COL4A4: variants seen among roughly 807,000 people sequenced by gnomAD.
COL4A4 encodes collagen alpha-4(IV) chain.
Under a neutral mutation model 192.9 loss-of-function variants are expected in COL4A4, and 105 were observed. The observed-to-expected ratio is 0.54, with a 90% CI of 0.46 to 0.64. The LOEUF is 0.64. COL4A4 is among the 30% of genes least tolerant of loss of function. COL4A4 has a pLI of 0.00. For missense variants in COL4A4, 1,967 were observed against 2,169.3 expected (o/e 0.91, Z 1.85); for synonymous variants, 762 against 769.9 (o/e 0.99, Z 0.17).
the COL4A4 span, among the ~76,000 whole-genome samples, chr2:226,976,448 A>G: frequency 1.3e-5 from 2 of 151,840 alleles, no homozygotes; most frequent in African/African-American, 4.8e-5. Flanking sequence ...AATTATCAAA[A>G]TGTGTGAGCT....
chr2:227,121,577 G>A (rs6755398), intron 4 of COL4A4, among the ~76,000 whole-genome samples: 54,339 of 139,022 alleles, frequency 0.39, 12,385 homozygotes, highest in African/African-American at 0.61. Flanking sequence ...AAAAAAAAAA[G>A]AAAAGAAAAG....
intron 3 of COL4A4, among the ~76,000 whole-genome samples, chr2:227,143,194 C>G (rs971013588): frequency 8.5e-5 from 13 of 152,286 alleles, no homozygotes; most frequent in South Asian, 4.1e-4. Flanking sequence ...TATGCCTATC[C>G]ATCAGACCAC....
At position 227,123,347 on chromosome 2, in the gene COL4A4, G is replaced by C. The variant is rs992535691; in HGVS notation, c.193-2199C>G. Among the ~76,000 whole-genome samples the C allele has an allele frequency of 6.6e-6, 1 of 152,202 alleles. No homozygotes were observed. The highest frequency in any genetic ancestry group is 2.4e-5 in the African/African-American group (1 of 41,458). On this transcript the variant is annotated intron_variant, in intron 4 of 47. Transcript: ENST00000396625. This position sits in a 1 kb window ranked among gnomAD's most constrained non-coding sequence, Gnocchi z 4.6. Reference sequence around the variant, plus strand: ...TGAGACTCAGTGAATAAATTAGGGTGCCTTCAAACAGGAAAGCCCTCACAG... The same window carrying C: ...TGAGACTCAGTGAATAAATTAGGGTCCCTTCAAACAGGAAAGCCCTCACAG...
intron 1 of COL4A4, among the ~76,000 whole-genome samples, chr2:227,154,897 G>T (rs1032016897): frequency 6.6e-6 from 1 of 152,128 alleles, no homozygotes; most frequent in Non-Finnish European, 1.5e-5. Context: ...ACTTGGTTTT[G>T]CTCTTTCTAA....
At chr2:227,151,332 C>G (rs1297216373) in intron 1 of COL4A4, among the ~76,000 whole-genome samples, 2 of 152,034 alleles carry the variant, frequency 1.3e-5, no homozygotes. Context: ...AAATTTTAAT[C>G]TTGATAAACA....
intron 12 of COL4A4, among the ~76,000 whole-genome samples, chr2:227,106,603 T>C (rs373056932): frequency 1.3e-5 from 2 of 152,228 alleles, no homozygotes; most frequent in Admixed American, 6.5e-5. Flanking sequence ...TCTCACTCTG[T>C]CACCCAGGCT....
In COL4A4 at chr2:227,025,230, CT is replaced by C. The variant is rs200933620; in HGVS notation, c.4090+571del. Among the ~76,000 whole-genome samples, 1,298 of 152,262 alleles carry C rather than the reference CT, an allele frequency of 8.5e-3. 6 individuals are homozygous for C. The highest frequency in any genetic ancestry group is 0.041 in the Middle Eastern group (12 of 294). ...AGGCATTCACAATTTTTCTTTTTCTCTTCTGAGAAATGCTTTTGATTTTCTT... is the reference window on the plus strand; with the variant it reads ...AGGCATTCACAATTTTTCTTTTTCTCTCTGAGAAATGCTTTTGATTTTCTT... On this transcript the variant is annotated intron_variant, in intron 43 of 47. Coordinates refer to ENST00000396625, the MANE Select transcript of COL4A4 (RefSeq NM_000092.5).
intron 3 of COL4A4, among the ~76,000 whole-genome samples, chr2:227,143,625 A>G (rs2063362005): frequency 1.3e-5 from 2 of 152,236 alleles, no homozygotes; most frequent in South Asian, 2.1e-4. Context: ...TTATAACAGG[A>G]AAAAGAATAT....
intron 7 of COL4A4, 48 bp downstream of exon 7, chr2:227,118,597 G>A: frequency 7.4e-7 from 1 of 1,349,396 alleles, no homozygotes; most frequent in Non-Finnish European, 1.1e-6. Flanking sequence ...TCCACCACAG[G>A]GCCTGTTCAC....
chr2:227,106,402 A>G (rs2060845577), intron 12 of COL4A4, among the ~76,000 whole-genome samples: 1 of 152,210 alleles, frequency 6.6e-6, no homozygotes, highest in African/African-American at 2.4e-5. Context: ...CAGCATAGTC[A>G]AAAGTACAAA....
At chr2:227,085,285 G>A (rs1373824195) in intron 22 of COL4A4, among the ~76,000 whole-genome samples, 1 of 152,110 alleles carries the variant, frequency 6.6e-6, no homozygotes, top group Non-Finnish European at 1.5e-5. Context: ...GGCATGGGGG[G>A]AATCAACCCG....
rs1961358592 is a variant in COL4A4 at position 227,003,043 on chromosome 2, A to G, written c.*4282T>C. The G allele has an allele frequency of 6.6e-6, 1 of 152,570 alleles. No homozygotes were observed. The highest frequency in any genetic ancestry group is 1.5e-5 in the Non-Finnish European group (1 of 68,032). 9.5% of individuals were successfully genotyped at this position (152,570 alleles called of 1,614,324 possible). A position where few individuals can be genotyped will look rare whatever the true frequency, so the allele number is the denominator to read the frequency against. ...TGCAGAGTACTGATTTTTAATGTCA[A>G]TTGTTTGTTCCCTGCAGAACTTACT... On this transcript the variant is annotated 3_prime_UTR_variant, in exon 48 of 48. Coordinates refer to ENST00000396625, the MANE Select transcript of COL4A4 (RefSeq NM_000092.5).
At chr2:227,160,567 C>T (rs2064745082) in intron 1 of COL4A4, among the ~76,000 whole-genome samples, 1 of 152,164 alleles carries the variant, frequency 6.6e-6, no homozygotes, top group Non-Finnish European at 1.5e-5. Flanking sequence ...TCCCACCTCC[C>T]CATGTCCCGT....
At chr2:227,029,056 T>C (rs897996969) in intron 41 of COL4A4, among the ~76,000 whole-genome samples, 1 of 152,192 alleles carries the variant, frequency 6.6e-6, no homozygotes, top group South Asian at 2.1e-4. Context: ...GTGTAAGTCA[T>C]AAAAGGTAAC....
At chr2:227,023,682 G>A (rs1159422946) in intron 43 of COL4A4, among the ~76,000 whole-genome samples, 1 of 152,150 alleles carries the variant, frequency 6.6e-6, no homozygotes, top group African/African-American at 2.4e-5. Context: ...CGAGAAGACT[G>A]TGTATGTGCT....
chr2:227,154,063 C>G lies in COL4A4; in HGVS notation c.-101-6479G>C, dbSNP rs576069005. The stretch of plus-strand genomic sequence containing the variant: ...GAAATGGAACATAAGCACCCTGGGC[C>G]TTTGAAGTCCACCTTGCTCACCAAC... On this transcript the variant is annotated intron_variant, in intron 1 of 47. Transcript: ENST00000396625. Among the ~76,000 whole-genome samples the G allele has an allele frequency of 5.9e-5, 9 of 152,252 alleles. No individual in the cohort carries two copies. The South Asian group carries it at 1.5e-3, about 25-fold the overall frequency.
At position 227,062,534 on chromosome 2, in the gene COL4A4, A is replaced by G; in HGVS notation, c.2052T>C (p.Pro684=). The change falls in exon 26 of 48, where the codon CCT becomes CCC. Residue 684 remains proline (P), a synonymous_variant. Transcript: ENST00000396625. ...GRHGPPGFDG[P]PGPKGFPGPQ... ...GTAACTTCTCATTGATAATACCTGG[A>G]GGTCCATCAAAACCTGGAGGGCCAT... The G allele has an allele frequency of 6.3e-7, 1 of 1,587,156 alleles. No homozygotes were observed. Among genetic ancestry groups the G allele is most frequent in the Non-Finnish European group, 8.7e-7 (1 of 1,155,932 alleles).
chr2:227,099,668 G>A lies in COL4A4; in HGVS notation c.1051C>T (p.His351Tyr), dbSNP rs749374824. 1.9e-6 allele frequency: 3 copies of A among 1,614,022 alleles called. No homozygotes were observed. Among genetic ancestry groups the A allele is most frequent in the Non-Finnish European group, 8.5e-7 (1 of 1,179,950 alleles). ...ACCAAAACACCTGGTGGTCCTGGGTGCCCTCGATTTCCAGGATCCCCCTGA... is the reference window on the plus strand; with the variant it reads ...ACCAAAACACCTGGTGGTCCTGGGTACCCTCGATTTCCAGGATCCCCCTGA... ...GPKGDPGNRG[H>Y]PGPPGVLVTP... The change falls in exon 18 of 48, where the codon CAC becomes TAC. Residue 351 changes from histidine to tyrosine, a missense_variant. By Grantham distance (83) the His-to-Tyr change is moderately conservative. Transcript: ENST00000396625.
intron 1 of COL4A4, among the ~76,000 whole-genome samples, chr2:227,150,726 G>A (rs1053932838): frequency 6.6e-6 from 1 of 152,076 alleles, no homozygotes; most frequent in Non-Finnish European, 1.5e-5. Context: ...AAAGGGGGAA[G>A]CCCCTTATAT....
Sources: gnomAD v4.1 joint callset for allele counts (sites outside exome capture counted in the v4.1 genomes callset) on GRCh38, gnomAD v4.1.1 for gene constraint, Gnocchi (gnomAD v3.1) non-coding constraint, MANE v1.5 for transcripts, NCBI Gene and HGNC (gene_info 2026-07-23, HGNC 2026-07-21) for gene names.